The following NIM1K variants were observed in gnomAD, a reference collection of about 807,000 sequenced individuals.
NIM1K encodes serine/threonine-protein kinase NIM1.
NIM1K carries 35 observed loss-of-function variants against 37.1 expected under a neutral mutation model. The ratio of observed to expected loss-of-function variants is 0.94; its 90% CI spans 0.72 to 1.25. The LOEUF (loss-of-function observed/expected upper bound fraction) is 1.25, where lower values mean the gene tolerates loss of function less well. Ranked by LOEUF, NIM1K falls within the 50% of genes most tolerant of loss-of-function variation. The pLI is 0.00. For synonymous variants in NIM1K, 234 were observed against 206.6 expected (o/e 1.13, Z -1.14); for missense variants, 564 against 548.0 (o/e 1.03, Z -0.29).
rs1753430567 is a variant in NIM1K at position 43,280,708 on chromosome 5, C to G, written c.1290C>G (p.Ser430=). ...TCTACAGAGGGATAAGACACACATC[C>G]AAATTTTGCTCGATTTTATAAATTG... ...SRVYRGIRHT[S]KFCSIL Residue 430 remains serine (S), a synonymous_variant, in exon 4 of 4, where the codon TCC becomes TCG. Coordinates refer to ENST00000326035, the MANE Select transcript of NIM1K (RefSeq NM_153361.4). 1 of 1,596,012 alleles carries G rather than the reference C, an allele frequency of 6.3e-7. No homozygotes were observed. The highest frequency in any genetic ancestry group is 8.5e-7 in the Non-Finnish European group (1 of 1,174,844).
chr5:43,213,470 C>T (rs751745031), intron 1 of NIM1K, among the ~76,000 whole-genome samples: 55 of 151,710 alleles, frequency 3.6e-4, no homozygotes, highest in Non-Finnish European at 6.6e-4. Context: ...GCTGGGATTA[C>T]CGGCATGCAC....
chr5:43,277,122 C>T lies in NIM1K; in HGVS notation c.358C>T (p.Arg120Ter), dbSNP rs548709190. Residue 120 changes from arginine (R) to a stop codon, truncating the protein, a stop_gained, in exon 3 of 4, where the codon CGA (arginine) becomes TGA (stop). Transcript: ENST00000326035. LOFTEE classifies it high-confidence loss of function. ...LDQKTQRLLS[R>*]EISSMEKLHH... Reference sequence around the variant, plus strand: ...CCAGAAAACCCAGAGGCTACTATCCCGAGAAATCTCCAGCATGGAAAAGCT... The same window carrying T: ...CCAGAAAACCCAGAGGCTACTATCCTGAGAAATCTCCAGCATGGAAAAGCT... The T allele has an allele frequency of 1.7e-5, 27 of 1,614,116 alleles. No individual in the cohort carries two copies. Among genetic ancestry groups the T allele is most frequent in the African/African-American group, 9.3e-5 (7 of 75,014 alleles).
chr5:43,280,196 C>T lies in NIM1K; in HGVS notation c.778C>T (p.Leu260Phe). The change falls in exon 4 of 4, where the codon CTT (leucine) becomes TTT (phenylalanine). Residue 260 changes from leucine (L) to phenylalanine (F), a missense_variant. Coordinates refer to ENST00000326035, the MANE Select transcript of NIM1K (RefSeq NM_153361.4). ...IYVDIWALGV[L>F]LYFMVTGTMP... ...CGTGGATATCTGGGCCTTGGGGGTG[C>T]TTTTGTACTTCATGGTGACTGGCAC... The T allele has an allele frequency of 1.2e-6, 2 of 1,614,122 alleles. No homozygotes were observed. Among genetic ancestry groups the T allele is most frequent in the East Asian group, 2.2e-5 (1 of 44,870 alleles).
In NIM1K at chr5:43,211,162, A is replaced by T. The variant is rs1670792; in HGVS notation, c.-695+18751A>T. ...ACTCTGGACTGGGTGATAGAGCGAG[A>T]ACCTTTCTCAAAAAAGAAAAAGAAA... On this transcript the variant is annotated intron_variant, in intron 1 of 3. Transcript: ENST00000326035. Among the ~76,000 whole-genome samples, 109 of 152,284 alleles carry T rather than the reference A, an allele frequency of 7.2e-4. 1 individual carries two copies. The East Asian group carries it at 0.02, about 28-fold the overall frequency.
intron 2 of NIM1K, among the ~76,000 whole-genome samples, chr5:43,264,372 G>A (rs1238592774): frequency 1.3e-5 from 2 of 152,166 alleles, no homozygotes; most frequent in African/African-American, 4.8e-5. Context: ...TTACCATTAT[G>A]TAATGGCCTT....
chr5:43,244,867 ACCTTAGGGG>A (rs1376791839), intron 1 of NIM1K, among the ~76,000 whole-genome samples: 1 of 152,186 alleles, frequency 6.6e-6, no homozygotes, highest in Non-Finnish European at 1.5e-5. Context: ...ATATGTACGG[ACCTTAGGGG>A]CTTTTCTAAA....
At position 43,231,971 on chromosome 5, in the gene NIM1K, A is replaced by G. The variant is rs911486417; in HGVS notation, c.-694-13111A>G. The G allele has an allele frequency of 5.1e-6, 5 of 975,310 alleles. No homozygotes were observed. In the African/African-American group the frequency reaches 8.1e-5, roughly 16 times the overall value. The allele number at this position is 975,310 out of a possible 1,614,324, so 60.4% of individuals were successfully genotyped here. A position where few individuals can be genotyped will look rare whatever the true frequency, so the allele number is the denominator to read the frequency against. ...ACCAGTGAACAAAAGCACTCTTGACATACATTCAAGTCAAACTTGTGGTCC... is the reference window on the plus strand; with the variant it reads ...ACCAGTGAACAAAAGCACTCTTGACGTACATTCAAGTCAAACTTGTGGTCC... On this transcript the variant is annotated intron_variant, in intron 1 of 3. Coordinates refer to ENST00000326035, the MANE Select transcript of NIM1K (RefSeq NM_153361.4).
rs746170614 is a variant in NIM1K at position 43,280,507 on chromosome 5, T to C, written c.1089T>C (p.His363=). 11 of 1,614,040 alleles carry C rather than the reference T, an allele frequency of 6.8e-6. No individual in the cohort carries two copies. The highest frequency in any genetic ancestry group is 2.7e-5 in the African/African-American group (2 of 74,920). The stretch of plus-strand genomic sequence containing the variant: ...ATGAGGTCAAAAGCACTTTAGAACA[T>C]TTGGGCATTACAGAAGAGCATATTC... The part of the protein sequence containing the change: ...EENEVKSTLE[H]LGITEEHIRN... Residue 363 remains histidine, a synonymous_variant, in exon 4 of 4, where the codon CAT becomes CAC. Coordinates refer to ENST00000326035, the MANE Select transcript of NIM1K (RefSeq NM_153361.4).
intron 1 of NIM1K, chr5:43,193,794 T>G (rs1751867641): frequency 6.6e-6 from 1 of 152,150 alleles, no homozygotes; most frequent in African/African-American, 2.4e-5. Context: ...CAACAGCACT[T>G]CTAATTCTGG....
rs558606354 is a variant in NIM1K at position 43,236,369 on chromosome 5, C to T, written c.-694-8713C>T. Among the ~76,000 whole-genome samples, 3 of 151,814 alleles carry T rather than the reference C, an allele frequency of 2.0e-5. No individual in the cohort carries two copies. In the South Asian group the frequency reaches 6.3e-4, roughly 32 times the overall value. On this transcript the variant is annotated intron_variant, in intron 1 of 3. Coordinates refer to ENST00000326035, the MANE Select transcript of NIM1K (RefSeq NM_153361.4). ...GGGTGGATTGCACCTGTAATCCTAG[C>T]TACAAGGAGGCTGAGGCAGAAGGAT... is the stretch of plus-strand genomic sequence containing the variant.
chr5:43,251,933 T>A (rs1255170060), intron 2 of NIM1K, among the ~76,000 whole-genome samples: 30 of 152,156 alleles, frequency 2.0e-4, no homozygotes, highest in Admixed American at 2.0e-3. Flanking sequence ...GTCAGTGAGC[T>A]GTAACCCTTT....
chr5:43,202,878 A>C (rs1014702063), intron 1 of NIM1K, among the ~76,000 whole-genome samples: 1 of 152,208 alleles, frequency 6.6e-6, no homozygotes, highest in African/African-American at 2.4e-5. Context: ...TTCAAATTGC[A>C]GAGTAGTAGA....
chr5:43,268,747 A>C (rs1579610789), intron 2 of NIM1K, among the ~76,000 whole-genome samples: 2 of 151,708 alleles, frequency 1.3e-5, no homozygotes, highest in African/African-American at 4.8e-5. Context: ...CATTAGCTTT[A>C]CAAAGGTGAC....
intron 1 of NIM1K, among the ~76,000 whole-genome samples, chr5:43,198,323 CCTTT>C (rs886903249): frequency 3.5e-5 from 5 of 144,730 alleles, no homozygotes; most frequent in African/African-American, 1.0e-4. Context: ...TCCCTTCCTT[CCTTT>C]CTGTCTTTCT....
At chr5:43,196,813 C>A (rs1751923362) in intron 1 of NIM1K, among the ~76,000 whole-genome samples, 1 of 151,954 alleles carries the variant, frequency 6.6e-6, no homozygotes, top group Admixed American at 6.6e-5. Context: ...CACACTGTTG[C>A]CCAGGGTAGA....
chr5:43,252,974 C>CTT (rs889713648), intron 2 of NIM1K, among the ~76,000 whole-genome samples: 2 of 139,560 alleles, frequency 1.4e-5, no homozygotes, highest in Admixed American at 7.3e-5. Flanking sequence ...TCCTTCCTTC[C>CTT]TTTTTTTTTT....
At position 43,277,322 on chromosome 5, in the gene NIM1K, C is replaced by T; in HGVS notation, c.558C>T (p.His186=). 1 of 1,613,348 alleles carries T rather than the reference C, an allele frequency of 6.2e-7. No homozygotes were observed. Among genetic ancestry groups the T allele is most frequent in the Non-Finnish European group, 8.5e-7 (1 of 1,179,658 alleles). The change falls in exon 3 of 4, where the codon CAC becomes CAT. Residue 186 remains histidine (H), a synonymous_variant. Coordinates refer to ENST00000326035, the MANE Select transcript of NIM1K (RefSeq NM_153361.4). The stretch of plus-strand genomic sequence containing the variant: ...CCCAGATTGTGTCTGCCGTGAAGCA[C>T]ATGGTGAGCAGGGGTGACGAGTGAG... The part of the protein sequence containing the change: ...IFSQIVSAVK[H]MHENQIIHRD...
chr5:43,204,437 C>T (rs375084431), intron 1 of NIM1K, among the ~76,000 whole-genome samples: 3 of 151,814 alleles, frequency 2.0e-5, no homozygotes, highest in South Asian at 2.1e-4. Context: ...AGTGGTGGCT[C>T]ACGCCTATAA....
chr5:43,212,041 AAT>A (rs1487953479), intron 1 of NIM1K, among the ~76,000 whole-genome samples: 1 of 152,146 alleles, frequency 6.6e-6, no homozygotes, highest in African/African-American at 2.4e-5. Flanking sequence ...TGCATTGAGA[AAT>A]ATATATATTG....
Sources: allele counts gnomAD v4.1 joint callset (sites outside exome capture counted in the v4.1 genomes callset), GRCh38; gene constraint gnomAD v4.1.1; transcripts MANE v1.5; gene names NCBI Gene and HGNC (gene_info 2026-07-23, HGNC 2026-07-21).